Variants in CAPN2 observed in about 807,000 individuals in gnomAD.
The protein encoded by CAPN2 is calpain-2 catalytic subunit.
A neutral mutation model predicts 102.3 loss-of-function variants in CAPN2; 92 were observed. The ratio of observed to expected loss-of-function variants is 0.90; its 90% CI spans 0.76 to 1.07. The LOEUF is 1.07. Among genes scored for constraint, CAPN2 ranks in the 50% least tolerant of loss-of-function variants. CAPN2 has a pLI of 0.00. For missense variants in CAPN2, 800 were observed against 909.4 expected (o/e 0.88, Z 1.55); for synonymous variants, 340 against 355.4 (o/e 0.96, Z 0.49).
chr1:223,768,554 T>C (rs1661394519), intron 16 of CAPN2, among the ~76,000 whole-genome samples: 1 of 152,190 alleles, frequency 6.6e-6, no homozygotes, highest in African/African-American at 2.4e-5. Flanking sequence ...CTATATCTGT[T>C]TTGGTACCAG....
At chr1:223,773,631 T>C (rs1225663202) in intron 20 of CAPN2, among the ~76,000 whole-genome samples, 1 of 150,786 alleles carries the variant, frequency 6.6e-6, no homozygotes, top group Non-Finnish European at 1.5e-5. Flanking sequence ...GAGGCGGAGG[T>C]TGCGGCGAGC....
rs529172057 is a variant in CAPN2, at chr1:223,746,051, C to T, written c.560+612C>T. On this transcript the variant is annotated intron_variant, in intron 4 of 20. Transcript: ENST00000295006. ...TGCCCACTCTCAGTAAGAAGCCCCA[C>T]ACCAGCCCCTCTCCACAATGGCCCC... Among the ~76,000 whole-genome samples the T allele has an allele frequency of 2.1e-3, 319 of 152,344 alleles. 1 individual carries two copies. Among genetic ancestry groups the T allele is most frequent in the African/African-American group, 7.4e-3 (308 of 41,570 alleles).
intron 2 of CAPN2, 108 bp from the exon 3 acceptor site, chr1:223,743,992 A>T (rs558437481): frequency 1.3e-6 from 1 of 765,716 alleles, no homozygotes; most frequent in Non-Finnish European, 2.3e-6. Context: ...CACTCTGTCT[A>T]TTCACAGGTT....
At chr1:223,729,733 TG>T (rs1383267033) in intron 2 of CAPN2, among the ~76,000 whole-genome samples, 2 of 152,160 alleles carry the variant, frequency 1.3e-5, no homozygotes, top group Non-Finnish European at 2.9e-5. Context: ...CCGGGTGCGG[TG>T]GCTCACACCT....
chr1:223,766,349 A>G lies in CAPN2; in HGVS notation c.1691-18A>G, dbSNP rs757035144. On this transcript the variant is annotated intron_variant, in intron 15 of 20. Coordinates refer to ENST00000295006, the MANE Select transcript of CAPN2 (RefSeq NM_001748.5). ...ACCGCTCAGAGATTTTTCCTGTCAC[A>G]CTGATTTTGTCTTTTAGGCCAAGAT... 2 of 1,605,782 alleles carry G rather than the reference A, an allele frequency of 1.2e-6. No individual in the cohort carries two copies. The highest frequency in any genetic ancestry group is 2.7e-5 in the African/African-American group (2 of 74,920).
rs12034645 is a variant in CAPN2, at chr1:223,728,719, G to A, written c.307+10888G>A. Among the ~76,000 whole-genome samples, 734 of 152,256 alleles carry A rather than the reference G, an allele frequency of 4.8e-3. 35 individuals carry two copies. In the East Asian group the frequency reaches 0.11, roughly 23 times the overall value. On this transcript the variant is annotated intron_variant, in intron 2 of 20. Transcript: ENST00000295006. ...TGGACATTAGCTCTTCATGGTTTGC[G>A]GGGTGGGGAGGATGTGTTTTCTGGG...
In CAPN2 at chr1:223,746,997, G is replaced by T. The variant is rs749920294; in HGVS notation, c.561G>T (p.Lys187Asn). 4 of 1,612,970 alleles carry T rather than the reference G, an allele frequency of 2.5e-6. No homozygotes were observed. The highest frequency in any genetic ancestry group is 2.5e-6 in the Non-Finnish European group (3 of 1,179,414). The change falls in exon 5 of 21, where the codon AAG becomes AAT. Residue 187 changes from lysine (K) to asparagine (N), a missense_variant and splice_region_variant. By Grantham distance (94) the Lys-to-Asn change is moderately conservative. Transcript: ENST00000295006. ...WSALLEKAYA[K>N]INGCYEALSG... Reference sequence around the variant, plus strand: ...GGCAGCGTCTAATCCCCTCTTGTAGGATCAACGGATGCTATGAAGCGCTAT... The same window carrying T: ...GGCAGCGTCTAATCCCCTCTTGTAGTATCAACGGATGCTATGAAGCGCTAT...
intron 2 of CAPN2, among the ~76,000 whole-genome samples, chr1:223,742,818 G>A (rs559428487): frequency 3.9e-5 from 6 of 152,194 alleles, no homozygotes; most frequent in Non-Finnish European, 8.8e-5. Context: ...GCTGCGCCTA[G>A]TCTTCAGTAA....
upstream of CAPN2, among the ~76,000 whole-genome samples, chr1:223,708,473 G>C (rs1352362938): frequency 6.6e-6 from 1 of 151,292 alleles, no homozygotes; most frequent in Non-Finnish European, 1.5e-5. Context: ...TCAATAGAAA[G>C]AAAGACTATT....
chr1:223,710,806 C>A (rs1227076408), upstream of CAPN2, among the ~76,000 whole-genome samples: 2 of 151,086 alleles, frequency 1.3e-5, no homozygotes, highest in Non-Finnish European at 2.9e-5. Flanking sequence ...TGGAAGCCAC[C>A]CCCACTACCC....
At chr1:223,739,557 G>A (rs1263269397) in intron 2 of CAPN2, among the ~76,000 whole-genome samples, 2 of 152,120 alleles carry the variant, frequency 1.3e-5, no homozygotes, top group Non-Finnish European at 2.9e-5. Flanking sequence ...GGAGAGGAAG[G>A]CAGGAGTTTT....
intron 11 of CAPN2, chr1:223,758,947 T>TC (rs950732067): frequency 1.4e-5 from 5 of 360,816 alleles, no homozygotes; most frequent in African/African-American, 1.0e-4. Context: ...TCTCACAGCC[T>TC]CCCAAAGTGC....
intron 18 of CAPN2, chr1:223,771,199 A>ATG (rs1661460853): frequency 6.5e-6 from 1 of 153,164 alleles, no homozygotes; most frequent in Admixed American, 6.5e-5. Context: ...CATCCAAGGG[A>ATG]CCTGGGACAG....
chr1:223,712,564 C>T lies in CAPN2; in HGVS notation c.-77C>T. Reference sequence around the variant, plus strand: ...AGTGGCCGCAGCAGCGCGCCGGGCCCTGGCCGCGCCCCAGCCGAGCGCAGC... The same window carrying T: ...AGTGGCCGCAGCAGCGCGCCGGGCCTTGGCCGCGCCCCAGCCGAGCGCAGC... On this transcript the variant is annotated 5_prime_UTR_variant, in exon 1 of 21. Coordinates refer to ENST00000295006, the MANE Select transcript of CAPN2 (RefSeq NM_001748.5). 1.5e-6 allele frequency: 2 copies of T among 1,342,408 alleles called. No homozygotes were observed. Among genetic ancestry groups the T allele is most frequent in the Non-Finnish European group, 1.9e-6 (2 of 1,050,392 alleles). The allele number at this position is 1,342,408 out of a possible 1,614,324, so 83.2% of individuals were successfully genotyped here.
At position 223,727,040 on chromosome 1, in the gene CAPN2, A is replaced by G. The variant is rs1023164399; in HGVS notation, c.307+9209A>G. The stretch of plus-strand genomic sequence containing the variant: ...CAAAGCGAAGACCCACAGCTGCCTG[A>G]AAATGTGGCTCTCCGCCTTCTTGGG... On this transcript the variant is annotated intron_variant, in intron 2 of 20. Transcript: ENST00000295006. The surrounding 1 kb of genome is among the most constrained non-coding windows in gnomAD (Gnocchi z 4.1). Among the ~76,000 whole-genome samples the G allele has an allele frequency of 6.6e-6, 1 of 152,196 alleles. No individual in the cohort carries two copies. The highest frequency in any genetic ancestry group is 1.5e-5 in the Non-Finnish European group (1 of 68,034).
rs1234704022 is a variant in CAPN2 at position 223,775,814 on chromosome 1, T to A, written c.*957T>A. On this transcript the variant is annotated 3_prime_UTR_variant, in exon 21 of 21. Coordinates refer to ENST00000295006, the MANE Select transcript of CAPN2 (RefSeq NM_001748.5). ...ATCTTCTTCCAAATGTACTGTTAAA[T>A]AAAAATAAAGGGTTACCCCATGCAA... 6.6e-6 allele frequency: 1 copy of A among 152,558 alleles called. No individual in the cohort carries two copies. The highest frequency in any genetic ancestry group is 2.4e-5 in the African/African-American group (1 of 41,426). The allele number at this position is 152,558 out of a possible 1,614,324, so 9.5% of individuals were successfully genotyped here.
chr1:223,738,581 A>T (rs1381905887), intron 2 of CAPN2, among the ~76,000 whole-genome samples: 3 of 152,174 alleles, frequency 2.0e-5, no homozygotes, highest in Non-Finnish European at 4.4e-5. Flanking sequence ...AGTTTTTTTT[A>T]AATGGGGTAA....
chr1:223,714,758 G>A (rs1056252440), intron 1 of CAPN2, among the ~76,000 whole-genome samples: 3 of 151,722 alleles, frequency 2.0e-5, no homozygotes, highest in Admixed American at 6.6e-5. Flanking sequence ...AGCATTTCTC[G>A]AATACCTACT....
At chr1:223,769,766 C>T in intron 16 of CAPN2, 75 bp from the exon 17 acceptor site, 1 of 1,076,598 alleles carries the variant, frequency 9.3e-7, no homozygotes, top group Non-Finnish European at 1.4e-6. Context: ...TCAAAAGATC[C>T]AGTTGAGAAG....
Sources: gnomAD v4.1 joint callset for allele counts (sites outside exome capture counted in the v4.1 genomes callset) on GRCh38, gnomAD v4.1.1 for gene constraint, Gnocchi (gnomAD v3.1) non-coding constraint, MANE v1.5 for transcripts, NCBI Gene and HGNC (gene_info 2026-07-23, HGNC 2026-07-21) for gene names.